The following SPTBN1 variants were observed in gnomAD, a reference collection of about 807,000 sequenced individuals.
SPTBN1 encodes the protein spectrin beta chain, non-erythrocytic 1.
Under a neutral mutation model 266.4 loss-of-function variants are expected in SPTBN1, and 32 were observed. The ratio of observed to expected loss-of-function variants is 0.12; its 90% CI spans 0.09 to 0.16. The LOEUF is 0.16. SPTBN1 is among the 10% of genes least tolerant of loss of function. The pLI, the probability that SPTBN1 is intolerant of heterozygous loss-of-function variation, is 1.00. For missense variants in SPTBN1, 2,296 were observed against 3,067.1 expected (o/e 0.75, Z 5.94); for synonymous variants, 1,336 against 1,162.2 (o/e 1.15, Z -3.04).
chr2:54,592,273 G>A (rs1675730932), intron 2 of SPTBN1, among the ~76,000 whole-genome samples: 1 of 152,164 alleles, frequency 6.6e-6, no homozygotes, highest in Non-Finnish European at 1.5e-5. Flanking sequence ...AGAAGTAGAT[G>A]TTATGCTTCT....
chr2:54,643,789 G>C (rs962554800), intron 19 of SPTBN1, among the ~76,000 whole-genome samples: 2 of 152,112 alleles, frequency 1.3e-5, no homozygotes, highest in African/African-American at 4.8e-5. Context: ...TTTCAGACCA[G>C]CTTGGCCAAC....
intron 2 of SPTBN1, among the ~76,000 whole-genome samples, chr2:54,556,690 T>G (rs576033235): frequency 2.6e-4 from 40 of 152,064 alleles, no homozygotes; most frequent in Admixed American, 2.3e-3. Context: ...TGTGTGTGTT[T>G]GTGTGTGTGG....
intron 3 of SPTBN1, among the ~76,000 whole-genome samples, chr2:54,604,013 A>G (rs1225168243): frequency 2.6e-5 from 4 of 152,130 alleles, no homozygotes; most frequent in Non-Finnish European, 5.9e-5. Flanking sequence ...GACTTCAGTG[A>G]CCACCAAGTT....
intron 15 of SPTBN1, 38 bp from the exon 16 acceptor site, chr2:54,630,817 C>T: frequency 6.5e-7 from 1 of 1,529,244 alleles, no homozygotes; most frequent in Non-Finnish European, 8.8e-7. Flanking sequence ...GGTCAGTCTT[C>T]CCTTTTTCAC....
intron 6 of SPTBN1, 86 bp from the exon 7 acceptor site, chr2:54,617,992 C>T: frequency 9.0e-7 from 1 of 1,107,728 alleles, no homozygotes; most frequent in Admixed American, 2.1e-5. Flanking sequence ...GTGATTTTAA[C>T]CTTTTTGGAG....
At position 54,644,487 on chromosome 2, in the gene SPTBN1, A is replaced by G. The variant is rs1249951220; in HGVS notation, c.4170A>G (p.Ala1390=). 2.5e-6 allele frequency: 4 copies of G among 1,614,146 alleles called. No homozygotes were observed. Among genetic ancestry groups the G allele is most frequent in the Admixed American group, 1.7e-5 (1 of 60,014 alleles). ...CCGAACTTTTCACCCAGAGCTGTGCAGATCTAGACAAATGGCTGCACGGCC... is the reference window on the plus strand; with the variant it reads ...CCGAACTTTTCACCCAGAGCTGTGCGGATCTAGACAAATGGCTGCACGGCC... ...NKAELFTQSC[A]DLDKWLHGLE... Residue 1390 remains alanine, a synonymous_variant, in exon 20 of 36, where the codon GCA becomes GCG. Transcript: ENST00000356805.
intron 17 of SPTBN1, among the ~76,000 whole-genome samples, chr2:54,634,648 G>A (rs185451410): frequency 5.8e-4 from 89 of 152,340 alleles, no homozygotes; most frequent in Admixed American, 3.5e-3. Flanking sequence ...TCCAGGTGCT[G>A]TAGGAGCACA....
At chr2:54,659,351 G>T in intron 31 of SPTBN1, 85 bp downstream of exon 31, 1 of 1,338,472 alleles carries the variant, frequency 7.5e-7, no homozygotes, top group South Asian at 1.2e-5. Context: ...GCCTTGCATT[G>T]CTAGGCCTAA....
chr2:54,487,170 CTTTTT>C (rs34779689), intron 1 of SPTBN1, among the ~76,000 whole-genome samples: 21 of 98,572 alleles, frequency 2.1e-4, no homozygotes, highest in South Asian at 3.3e-4. Context: ...ATTAGGATTT[CTTTTT>C]TTTTTTTTTT....
intron 2 of SPTBN1, among the ~76,000 whole-genome samples, chr2:54,595,402 G>A (rs1289795989): frequency 6.6e-6 from 1 of 152,220 alleles, no homozygotes; most frequent in East Asian, 1.9e-4. Context: ...TTTGGGGCAG[G>A]GCTGGTTGGG....
chr2:54,535,324 T>C (rs896015906), intron 2 of SPTBN1, among the ~76,000 whole-genome samples: 3 of 152,238 alleles, frequency 2.0e-5, no homozygotes, highest in Admixed American at 6.5e-5. Context: ...CTCAGAGTTA[T>C]GTGACAATTA....
intron 4 of SPTBN1, 131 bp from the exon 5 acceptor site, chr2:54,616,076 C>T (rs1677586273): frequency 6.3e-6 from 4 of 635,750 alleles, no homozygotes; most frequent in Non-Finnish European, 1.0e-5. Flanking sequence ...TTTTCATTGA[C>T]AGGGTAGATC....
At position 54,669,488 on chromosome 2, in the gene SPTBN1, A is replaced by G. The variant is rs1314319250; in HGVS notation, c.*919A>G. The G allele has an allele frequency of 6.6e-6, 1 of 152,618 alleles. No homozygotes were observed. Among genetic ancestry groups the G allele is most frequent in the African/African-American group, 2.4e-5 (1 of 41,444 alleles). 9.5% of individuals were successfully genotyped at this position (152,618 alleles called of 1,614,324 possible). On this transcript the variant is annotated 3_prime_UTR_variant, in exon 36 of 36. Coordinates refer to ENST00000356805, the MANE Select transcript of SPTBN1 (RefSeq NM_003128.3). ...TAGTGTGCATTTCTCTGTCACTGTA[A>G]CTATTGTAATGACAAATTTTCATCT...
At chr2:54,642,520 A>G (rs1313869631) in intron 18 of SPTBN1, among the ~76,000 whole-genome samples, 4 of 135,704 alleles carry the variant, frequency 2.9e-5, no homozygotes, top group African/African-American at 1.1e-4. Flanking sequence ...GGGAGGTAAT[A>G]AATAAGTAGT....
intron 2 of SPTBN1, among the ~76,000 whole-genome samples, chr2:54,573,315 C>T (rs1206986271): frequency 6.6e-6 from 1 of 152,174 alleles, no homozygotes; most frequent in Non-Finnish European, 1.5e-5. Flanking sequence ...TGATGAAACT[C>T]TTCCACCTCA....
intron 18 of SPTBN1, among the ~76,000 whole-genome samples, chr2:54,639,957 G>A (rs1056893036): frequency 2.0e-5 from 3 of 152,134 alleles, no homozygotes. Flanking sequence ...GTCTCTCCTT[G>A]AGCCACATTA....
At chr2:54,527,553 A>G (rs1265387542) in intron 2 of SPTBN1, 1 of 152,208 alleles carries the variant, frequency 6.6e-6, no homozygotes, top group Non-Finnish European at 1.5e-5. Flanking sequence ...CAGTAGGCAA[A>G]TTCAGTCTTT....
At chr2:54,487,670 T>G (rs1348724144) in intron 1 of SPTBN1, among the ~76,000 whole-genome samples, 2 of 150,812 alleles carry the variant, frequency 1.3e-5, no homozygotes, top group Non-Finnish European at 3.0e-5. Context: ...GCTTTTCTAG[T>G]GTTACAATAA....
chr2:54,530,917 C>T (rs1431691971), intron 2 of SPTBN1, among the ~76,000 whole-genome samples: 1 of 152,034 alleles, frequency 6.6e-6, no homozygotes, highest in Non-Finnish European at 1.5e-5. Flanking sequence ...CCCTAGCTAG[C>T]CTCAGGATGA....
Sources: gnomAD v4.1 joint callset for allele counts (sites outside exome capture counted in the v4.1 genomes callset) on GRCh38, gnomAD v4.1.1 for gene constraint, MANE v1.5 for transcripts, NCBI Gene and HGNC (gene_info 2026-07-23, HGNC 2026-07-21) for gene names.